LRP2: variants seen among roughly 807,000 people sequenced by gnomAD.
LRP2 encodes LDL receptor related protein 2, also known as low-density lipoprotein receptor-related protein 2.
LRP2 carries 172 observed loss-of-function variants against 531.0 expected under a neutral mutation model. The ratio of observed to expected loss-of-function variants is 0.32; its 90% CI spans 0.29 to 0.37. The LOEUF is 0.37. Ranked by LOEUF, LRP2 falls within the 10% of genes least tolerant of loss-of-function variation. The pLI is 1.00. For missense variants in LRP2, 5,167 were observed against 5,868.3 expected, an observed-to-expected ratio of 0.88 and a Z score of 3.90; for synonymous variants, 1,992 against 2,027.6, an observed-to-expected ratio of 0.98 and a Z score of 0.47.
At position 169,271,713 on chromosome 2, in the gene LRP2, T is replaced by G. The variant is rs985975260; in HGVS notation, c.2117-606A>C. The G allele has an allele frequency of 1.2e-5, 12 of 983,666 alleles. No homozygotes were observed. The African/African-American group carries it at 2.1e-4, about 17-fold the overall frequency. The allele number at this position is 983,666 out of a possible 1,614,324, so 60.9% of individuals were successfully genotyped here. ...GTTTAAAAATCATACAGAGCTGAAC[T>G]CTATAGTAATTCCGTAACAATCCTC... On this transcript the variant is annotated intron_variant, in intron 15 of 78. Coordinates refer to ENST00000649046, the MANE Select transcript of LRP2 (RefSeq NM_004525.3).
At chr2:169,270,353 A>G (rs1403988039) in intron 16 of LRP2, among the ~76,000 whole-genome samples, 1 of 152,164 alleles carries the variant, frequency 6.6e-6, no homozygotes, top group African/African-American at 2.4e-5. Context: ...CTTGGAACCA[A>G]CCCAAATGTT....
At chr2:169,232,938 G>A (rs1247960684) in intron 30 of LRP2, among the ~76,000 whole-genome samples, 1 of 152,204 alleles carries the variant, frequency 6.6e-6, no homozygotes, top group African/African-American at 2.4e-5. Context: ...AGAAAGAACA[G>A]TACGGATGCC....
Position 169,207,198 on chromosome 2 carries a change from C to A in LRP2, c.6522G>T (p.Leu2174=). 2 of 1,613,900 alleles carry A rather than the reference C, an allele frequency of 1.2e-6. No homozygotes were observed. Among genetic ancestry groups the A allele is most frequent in the Non-Finnish European group, 1.7e-6 (2 of 1,179,964 alleles). ...CACGGCGGTAAGTAGTATTGATCCGCAGAACTTCTATCAGTGTTTCAGAAA... is the reference window on the plus strand; with the variant it reads ...CACGGCGGTAAGTAGTATTGATCCGAAGAACTTCTATCAGTGTTTCAGAAA... ...AFVSETLIEV[L]RINTTYRRVL... The change falls in exon 39 of 79, where the codon CTG becomes CTT. Residue 2174 remains leucine, a synonymous_variant. Transcript: ENST00000649046.
chr2:169,284,424 C>T (rs1683793580), intron 9 of LRP2, among the ~76,000 whole-genome samples: 1 of 151,670 alleles, frequency 6.6e-6, no homozygotes, highest in Non-Finnish European at 1.5e-5. Flanking sequence ...GCCACCACAC[C>T]TGGCTAATAT....
intron 49 of LRP2, among the ~76,000 whole-genome samples, 158 bp from the exon 50 acceptor site, chr2:169,186,177 T>C (rs181628596): frequency 2.6e-5 from 4 of 152,252 alleles, no homozygotes; most frequent in Admixed American, 2.0e-4. Flanking sequence ...TATTGAAAAG[T>C]CACTATTTTT....
chr2:169,172,962 A>G, intron 57 of LRP2, 134 bp downstream of exon 57: 1 of 1,228,618 alleles, frequency 8.1e-7, no homozygotes, highest in Non-Finnish European at 1.2e-6. Context: ...TATTAGAAGA[A>G]TCAACCATTT....
chr2:169,204,405 G>A (rs2105329820), intron 41 of LRP2, 134 bp from the exon 42 acceptor site: 9 of 820,692 alleles, frequency 1.1e-5, no homozygotes, highest in South Asian at 1.0e-4. Context: ...GCATATGGCA[G>A]CTGGAAATGT....
intron 68 of LRP2, 47 bp from the exon 69 acceptor site, chr2:169,147,006 TCTC>T (rs1356100939): frequency 7.2e-7 from 1 of 1,391,904 alleles, no homozygotes; most frequent in Non-Finnish European, 1.0e-6. Flanking sequence ...TGGTAAGACT[TCTC>T]CACTACAGCA....
chr2:169,354,844 C>T (rs981134852), intron 1 of LRP2, among the ~76,000 whole-genome samples: 2 of 152,208 alleles, frequency 1.3e-5, no homozygotes, highest in Non-Finnish European at 2.9e-5. Flanking sequence ...CAGATGTGCA[C>T]CAAGATGTGT....
At chr2:169,341,960 A>C (rs926886725) in intron 1 of LRP2, among the ~76,000 whole-genome samples, 1 of 152,152 alleles carries the variant, frequency 6.6e-6, no homozygotes, top group Non-Finnish European at 1.5e-5. Flanking sequence ...AGCCCAGACA[A>C]TTCTTTGTAG....
At chr2:169,141,545 C>T (rs1389707617) in intron 71 of LRP2, among the ~76,000 whole-genome samples, 1 of 152,152 alleles carries the variant, frequency 6.6e-6, no homozygotes, top group Non-Finnish European at 1.5e-5. Flanking sequence ...AACCGAGGCC[C>T]TATATGGAAT....
intron 36 of LRP2, 138 bp from the exon 37 acceptor site, chr2:169,212,345 A>G: frequency 9.3e-7 from 1 of 1,069,650 alleles, no homozygotes; most frequent in Admixed American, 2.0e-5. Flanking sequence ...TAGCAATCTA[A>G]AAACAACATC....
Position 169,226,516 on chromosome 2 carries a change from C to T in LRP2, c.5300G>A (p.Ser1767Asn), listed in dbSNP as rs145060665. The change falls in exon 32 of 79, where the codon AGC becomes AAC. Residue 1767 changes from serine to asparagine, a missense_variant. Physicochemically the swap from Ser to Asn is conservative, Grantham distance 46. Around this residue, in one of 6 missense-constraint regions of LRP2, gnomAD observed 2,811 missense variants for 3,058.0 expected, o/e 0.92. Coordinates refer to ENST00000649046, the MANE Select transcript of LRP2 (RefSeq NM_004525.3). ...FGISLNPEVKSNDAMVPIAGI... is the reference protein window; with the variant it reads ...FGISLNPEVKNNDAMVPIAGI... The stretch of plus-strand genomic sequence containing the variant: ...TGCTATGGGGACCATAGCATCATTG[C>T]TCTTCACCTCAGGATTAAGGGAGAT... 4.0e-5 allele frequency: 64 copies of T among 1,612,986 alleles called. 1 individual carries two copies. In the African/African-American group the frequency reaches 7.5e-4, roughly 19 times the overall value.
intron 3 of LRP2, among the ~76,000 whole-genome samples, chr2:169,311,839 G>C (rs200717992): frequency 0.039 from 5,915 of 152,026 alleles, 196 homozygotes; most frequent in East Asian, 0.096. Flanking sequence ...GAGTCTAAGT[G>C]TCTTTGTAGG....
chr2:169,229,536 T>A (rs564366581), intron 31 of LRP2, among the ~76,000 whole-genome samples: 2 of 152,258 alleles, frequency 1.3e-5, no homozygotes, highest in African/African-American at 4.8e-5. Flanking sequence ...TTTGGAGTAA[T>A]TTTAGGGGTG....
At chr2:169,202,367 C>T (rs1688231671) in intron 43 of LRP2, among the ~76,000 whole-genome samples, 1 of 152,088 alleles carries the variant, frequency 6.6e-6, no homozygotes, top group Admixed American at 6.5e-5. Flanking sequence ...TGATACGTTT[C>T]CTTAGTCCCA....
intron 1 of LRP2, among the ~76,000 whole-genome samples, chr2:169,342,252 G>C (rs1196862271): frequency 6.7e-6 from 1 of 149,024 alleles, no homozygotes; most frequent in Non-Finnish European, 1.5e-5. Flanking sequence ...CACATACATT[G>C]AAAAGACATG....
intron 70 of LRP2, among the ~76,000 whole-genome samples, chr2:169,143,164 T>C (rs72890417): frequency 0.043 from 6,617 of 152,286 alleles, 255 homozygotes; most frequent in African/African-American, 0.1. Context: ...CCACATATTA[T>C]ACCAAGATTT....
chr2:169,344,254 T>C (rs1685640110), intron 1 of LRP2, among the ~76,000 whole-genome samples: 1 of 152,278 alleles, frequency 6.6e-6, no homozygotes, highest in East Asian at 1.9e-4. Flanking sequence ...TTTCTCCTAA[T>C]GCTATCCCTC....
Sources: allele counts gnomAD v4.1 joint callset (sites outside exome capture counted in the v4.1 genomes callset), GRCh38; gene constraint gnomAD v4.1.1; regional missense constraint gnomAD v4.1.1; transcripts MANE v1.5; gene names NCBI Gene and HGNC (gene_info 2026-07-23, HGNC 2026-07-21).